FGF12: variants seen among roughly 807,000 people sequenced by gnomAD.
The protein encoded by FGF12 is fibroblast growth factor 12, also known as fibroblast growth factor 12B.
In FGF12, 14 loss-of-function variants were observed where a neutral mutation model predicts 23.6. The observed-to-expected ratio is 0.59, with a 90% confidence interval of 0.39 to 0.93. The LOEUF is 0.93. FGF12 is among the 40% of genes least tolerant of loss of function. The pLI is 0.00. For synonymous variants in FGF12, 62 were observed against 77.3 expected (o/e 0.80, Z 1.04); for missense variants, 175 against 217.8 (o/e 0.80, Z 1.24).
At chr3:192,320,866 A>C (rs996307113) in intron 4 of FGF12, among the ~76,000 whole-genome samples, 4 of 152,046 alleles carry the variant, frequency 2.6e-5, no homozygotes, top group African/African-American at 9.7e-5. Context: ...AAAGTAAAAC[A>C]TTTCTAATAA....
At chr3:192,308,899 A>G (rs1391741476) in intron 4 of FGF12, among the ~76,000 whole-genome samples, 1 of 152,196 alleles carries the variant, frequency 6.6e-6, no homozygotes. Context: ...AGGCATTGAA[A>G]AATTAGTTCA....
intron 2 of FGF12, among the ~76,000 whole-genome samples, chr3:192,550,612 G>A (rs1577049085): frequency 6.6e-6 from 1 of 151,890 alleles, no homozygotes; most frequent in Non-Finnish European, 1.5e-5. Flanking sequence ...TTCAGACAAA[G>A]AGAAAATTAC....
intron 2 of FGF12, among the ~76,000 whole-genome samples, chr3:192,624,138 C>T (rs1715072051): frequency 6.6e-6 from 1 of 151,718 alleles, no homozygotes; most frequent in South Asian, 2.1e-4. Flanking sequence ...CTAATACTTT[C>T]CATAGAAATA....
rs73889354 is a variant in FGF12 at position 192,509,293 on chromosome 3, T to C, written c.14-148755A>G. Among the ~76,000 whole-genome samples, 825 of 152,324 alleles carry C rather than the reference T, an allele frequency of 5.4e-3. 7 individuals carry two copies. The highest frequency in any genetic ancestry group is 0.019 in the African/African-American group (788 of 41,570). The stretch of plus-strand genomic sequence containing the variant: ...ATGGATTGCTGGCCCATGAGCCAGA[T>C]GGGAGCATTGAGCCTATCCTTTCAC... On this transcript the variant is annotated intron_variant, in intron 2 of 5. Transcript: ENST00000445105.
At chr3:192,605,587 C>T (rs545030710) in intron 2 of FGF12, among the ~76,000 whole-genome samples, 2 of 152,034 alleles carry the variant, frequency 1.3e-5, no homozygotes, top group African/African-American at 2.4e-5. Context: ...ATATTCACAA[C>T]TTATGCATCC....
chr3:192,613,568 T>C (rs4686612), intron 2 of FGF12, among the ~76,000 whole-genome samples: 35,091 of 151,830 alleles, frequency 0.23, 4,533 homozygotes, highest in East Asian at 0.52. Context: ...ACAAATGCTA[T>C]TTGACCTGTA....
chr3:192,571,485 G>A (rs1219784930), intron 2 of FGF12, among the ~76,000 whole-genome samples: 1 of 152,236 alleles, frequency 6.6e-6, no homozygotes, highest in Admixed American at 6.5e-5. Flanking sequence ...GGCATCAACA[G>A]GCAGAAGGTG....
intron 4 of FGF12, among the ~76,000 whole-genome samples, chr3:192,200,905 GA>G (rs564087726): frequency 0.056 from 8,109 of 143,878 alleles, 706 homozygotes; most frequent in African/African-American, 0.19. Flanking sequence ...GCTTTTGTGT[GA>G]AAAAAAAAAA....
At chr3:192,207,682 G>T (rs1318215541) in intron 4 of FGF12, among the ~76,000 whole-genome samples, 1 of 152,196 alleles carries the variant, frequency 6.6e-6, no homozygotes, top group African/African-American at 2.4e-5. Context: ...CATTTATCCA[G>T]CAGAGGATGA....
chr3:192,262,734 G>A (rs1712835538), intron 4 of FGF12, among the ~76,000 whole-genome samples: 1 of 151,988 alleles, frequency 6.6e-6, no homozygotes, highest in South Asian at 2.1e-4. Context: ...AAAATTGCCT[G>A]AGGATGCATT....
chr3:192,310,409 C>T (rs997096067), intron 4 of FGF12, among the ~76,000 whole-genome samples: 9 of 152,078 alleles, frequency 5.9e-5, no homozygotes, highest in African/African-American at 1.9e-4. Flanking sequence ...TTTCTATGGG[C>T]TTCAAACTTC....
At chr3:192,456,172 G>GA (rs1197639839) in intron 2 of FGF12, among the ~76,000 whole-genome samples, 3 of 152,182 alleles carry the variant, frequency 2.0e-5, no homozygotes, top group African/African-American at 7.2e-5. Flanking sequence ...GAATACAAGA[G>GA]AAAATATTTG....
At chr3:192,529,022 C>G (rs1457808695) in intron 2 of FGF12, among the ~76,000 whole-genome samples, 1 of 152,172 alleles carries the variant, frequency 6.6e-6, no homozygotes, top group African/African-American at 2.4e-5. Flanking sequence ...TCTTGGGGAA[C>G]AGTATTCAGC....
intron 2 of FGF12, among the ~76,000 whole-genome samples, chr3:192,425,538 T>G (rs1721665340): frequency 1.3e-5 from 2 of 152,222 alleles, no homozygotes; most frequent in African/African-American, 4.8e-5. Flanking sequence ...ATTTCTCATA[T>G]GTCAAACTCA....
Position 192,409,543 on chromosome 3 carries a change from G to A in FGF12, c.14-49005C>T, listed in dbSNP as rs1721113852. 6.6e-6 allele frequency among the ~76,000 whole-genome samples: 1 copy of A among 152,234 alleles called. No homozygotes were observed. Among genetic ancestry groups the A allele is most frequent in the Non-Finnish European group, 1.5e-5 (1 of 68,040 alleles). On this transcript the variant is annotated intron_variant, in intron 2 of 5. Transcript: ENST00000445105. This position sits in a 1 kb window ranked among gnomAD's most constrained non-coding sequence, Gnocchi z 4.8. ...CAGATCAGATGGGGATTACCCGCCG[G>A]ACGCAAGGCCGATCACTCAGTCCCG...
intron 4 of FGF12, among the ~76,000 whole-genome samples, chr3:192,290,363 G>A (rs1034627729): frequency 1.3e-5 from 2 of 152,096 alleles, no homozygotes; most frequent in South Asian, 4.1e-4. Context: ...GCACTACACT[G>A]CCTACTGATC....
rs542839121 is a variant in FGF12 at position 192,435,592 on chromosome 3, T to C, written c.14-75054A>G. On this transcript the variant is annotated intron_variant, in intron 2 of 5. Coordinates refer to ENST00000445105, the MANE Select transcript of FGF12 (RefSeq NM_004113.6). ...ACAGCATTGTTCGGCCAGCAGGCTA[T>C]ACATGAGCCTCCTGGGCCTTACTTT... is the stretch of plus-strand genomic sequence containing the variant. Among the ~76,000 whole-genome samples the C allele has an allele frequency of 3.9e-5, 6 of 152,332 alleles. No individual in the cohort carries two copies. In the South Asian group the frequency reaches 1.0e-3, roughly 26 times the overall value.
intron 2 of FGF12, among the ~76,000 whole-genome samples, chr3:192,478,857 T>G (rs149567276): frequency 6.6e-6 from 1 of 152,224 alleles, no homozygotes; most frequent in African/African-American, 2.4e-5. Context: ...CCAGTAAGCA[T>G]GAAACATACT....
chr3:192,237,093 G>GT lies in FGF12; in HGVS notation c.229-66438dup, dbSNP rs199942548. Among the ~76,000 whole-genome samples the GT allele has an allele frequency of 6.9e-3, 1,057 of 152,234 alleles. 17 individuals are homozygous for GT. Among genetic ancestry groups the GT allele is most frequent in the African/African-American group, 0.024 (995 of 41,538 alleles). ...ATTTTATTTCTCCTCCATTTAAGAAGTTTGGTTTGTCTGAATATGAAATTA... is the reference window on the plus strand; with the variant it reads ...ATTTTATTTCTCCTCCATTTAAGAAGTTTTGGTTTGTCTGAATATGAAATTA... On this transcript the variant is annotated intron_variant, in intron 4 of 5. Coordinates refer to ENST00000445105, the MANE Select transcript of FGF12 (RefSeq NM_004113.6).
Sources: allele counts gnomAD v4.1 joint callset (sites outside exome capture counted in the v4.1 genomes callset), GRCh38; gene constraint gnomAD v4.1.1; non-coding constraint Gnocchi (gnomAD v3.1); transcripts MANE v1.5; gene names NCBI Gene and HGNC (gene_info 2026-07-23, HGNC 2026-07-21).